Variants in SDHAF3 observed in about 807,000 individuals in gnomAD.
The protein encoded by SDHAF3 is succinate dehydrogenase assembly factor 3, mitochondrial.
A neutral mutation model predicts 11.5 loss-of-function variants in SDHAF3; 18 were observed. The observed-to-expected ratio is 1.56, with a 90% CI of 1.08 to 2.32. The LOEUF is 2.32. Among genes scored for constraint, SDHAF3 ranks in the 30% most tolerant of loss-of-function variants. The pLI, the probability that SDHAF3 is intolerant of heterozygous loss-of-function variation, is 0.00. For missense variants in SDHAF3, 200 were observed against 154.4 expected, an observed-to-expected ratio of 1.30 and a Z score of -1.57; for synonymous variants, 72 against 59.3, an observed-to-expected ratio of 1.21 and a Z score of -0.99.
chr7:97,125,547 C>G (rs978467778), intron 1 of SDHAF3, among the ~76,000 whole-genome samples: 7 of 152,032 alleles, frequency 4.6e-5, no homozygotes, highest in Non-Finnish European at 2.9e-5. Context: ...ATTCTTTTTT[C>G]TCTAATATTG....
At chr7:97,163,976 T>A (rs1043870690) in intron 1 of SDHAF3, among the ~76,000 whole-genome samples, 2 of 151,228 alleles carry the variant, frequency 1.3e-5, no homozygotes, top group Non-Finnish European at 2.9e-5. Context: ...TGAGACACAG[T>A]CTTGCTCTGT....
intron 1 of SDHAF3, among the ~76,000 whole-genome samples, chr7:97,178,181 A>AG (rs1562833298): frequency 6.6e-6 from 1 of 152,202 alleles, no homozygotes; most frequent in Non-Finnish European, 1.5e-5. Flanking sequence ...TTGGCTTCTT[A>AG]GCATAATCTT....
At chr7:97,150,942 G>A (rs945402334) in intron 1 of SDHAF3, among the ~76,000 whole-genome samples, 17 of 152,040 alleles carry the variant, frequency 1.1e-4, no homozygotes, top group African/African-American at 3.1e-4. Context: ...GCACCACTGC[G>A]CCTGGCTGTC....
At chr7:97,125,077 A>G (rs1267428461) in intron 1 of SDHAF3, among the ~76,000 whole-genome samples, 1 of 152,102 alleles carries the variant, frequency 6.6e-6, no homozygotes, top group Non-Finnish European at 1.5e-5. Flanking sequence ...CTGGTTTTCA[A>G]AGGGAATGCT....
rs556213020 is a variant in SDHAF3, at chr7:97,160,087, G to A, written c.175-20925G>A. ...CCCGGCTGCCCTATCTGGGAAGTGA[G>A]GAGCGCCTCTGCCCGGCCGTCCCAT... On this transcript the variant is annotated intron_variant, in intron 1 of 1. Transcript: ENST00000432641. 1.8e-4 allele frequency among the ~76,000 whole-genome samples: 27 copies of A among 151,472 alleles called. 1 individual carries two copies. The East Asian group carries it at 4.7e-3, about 26-fold the overall frequency.
At chr7:97,118,525 A>G (rs892024137) in intron 1 of SDHAF3, among the ~76,000 whole-genome samples, 3 of 149,854 alleles carry the variant, frequency 2.0e-5, no homozygotes, top group Non-Finnish European at 4.4e-5. Context: ...AAACAGACAC[A>G]TGCATTAGCA....
chr7:97,126,031 T>A (rs1341194062), intron 1 of SDHAF3, among the ~76,000 whole-genome samples: 1 of 152,250 alleles, frequency 6.6e-6, no homozygotes, highest in Non-Finnish European at 1.5e-5. Flanking sequence ...TGCTGCTTTC[T>A]GTTTGTTTTT....
intron 1 of SDHAF3, among the ~76,000 whole-genome samples, chr7:97,146,111 T>A (rs1467735639): frequency 1.7e-5 from 2 of 119,622 alleles, no homozygotes; most frequent in South Asian, 2.7e-4. Flanking sequence ...TTAAATAGGC[T>A]TTCCCCCCCC....
chr7:97,133,834 T>G (rs1210374497), intron 1 of SDHAF3, among the ~76,000 whole-genome samples: 1 of 152,222 alleles, frequency 6.6e-6, no homozygotes, highest in Admixed American at 6.5e-5. Flanking sequence ...TCTAAAACAC[T>G]AAAATATTTG....
At chr7:97,144,271 C>T (rs1390620148) in intron 1 of SDHAF3, among the ~76,000 whole-genome samples, 1 of 152,136 alleles carries the variant, frequency 6.6e-6, no homozygotes, top group Non-Finnish European at 1.5e-5. Flanking sequence ...AAGATTTTCT[C>T]CCACTCTTGT....
At position 97,157,471 on chromosome 7, in the gene SDHAF3, G is replaced by T. The variant is rs559546708; in HGVS notation, c.175-23541G>T. ...TCATTAAAAAGTCAGGAAACAACAG[G>T]TGCTGGAGAGGATGTGGAGAAATAG... On this transcript the variant is annotated intron_variant, in intron 1 of 1. Transcript: ENST00000432641. Among the ~76,000 whole-genome samples, 487 of 152,188 alleles carry T rather than the reference G, an allele frequency of 3.2e-3. 2 individuals carry two copies. Among genetic ancestry groups the T allele is most frequent in the Non-Finnish European group, 5.4e-3 (366 of 67,978 alleles).
intron 1 of SDHAF3, among the ~76,000 whole-genome samples, chr7:97,126,417 G>T (rs1263989021): frequency 6.6e-6 from 1 of 152,248 alleles, no homozygotes; most frequent in Non-Finnish European, 1.5e-5. Flanking sequence ...TGTGCCCACA[G>T]CTGCCCCTTC....
At chr7:97,143,017 A>G (rs940332260) in intron 1 of SDHAF3, among the ~76,000 whole-genome samples, 6 of 149,064 alleles carry the variant, frequency 4.0e-5, no homozygotes, top group Non-Finnish European at 5.9e-5. Context: ...CTCCCGCCTC[A>G]ACCTCCCGAG....
At chr7:97,157,954 G>A (rs1789329481) in intron 1 of SDHAF3, among the ~76,000 whole-genome samples, 1 of 125,342 alleles carries the variant, frequency 8.0e-6, no homozygotes, top group Non-Finnish European at 1.6e-5. Flanking sequence ...TCACACACTG[G>A]GGCCTGTTGT....
chr7:97,167,399 A>T (rs1789524904), intron 1 of SDHAF3, among the ~76,000 whole-genome samples: 1 of 152,146 alleles, frequency 6.6e-6, no homozygotes, highest in African/African-American at 2.4e-5. Flanking sequence ...CCAAACTGTG[A>T]GTCAAAGAAA....
chr7:97,141,554 G>A (rs149472741), intron 1 of SDHAF3, among the ~76,000 whole-genome samples: 3,802 of 152,184 alleles, frequency 0.025, 149 homozygotes, highest in African/African-American at 0.087. Flanking sequence ...AATATCGGGG[G>A]TGAATTTCCC....
At chr7:97,153,996 G>T (rs1789265643) in intron 1 of SDHAF3, among the ~76,000 whole-genome samples, 1 of 152,222 alleles carries the variant, frequency 6.6e-6, no homozygotes, top group African/African-American at 2.4e-5. Flanking sequence ...TATTTCACCT[G>T]AGTGCAGGCA....
chr7:97,137,849 T>C (rs1401139385), intron 1 of SDHAF3, among the ~76,000 whole-genome samples: 2 of 150,416 alleles, frequency 1.3e-5, no homozygotes, highest in East Asian at 3.9e-4. Context: ...CATTCCTTCA[T>C]ATGCCCTCAT....
intron 1 of SDHAF3, among the ~76,000 whole-genome samples, chr7:97,118,345 T>G (rs748591724): frequency 6.6e-6 from 1 of 152,234 alleles, no homozygotes; most frequent in Non-Finnish European, 1.5e-5. Context: ...GTTTAAATAA[T>G]TTTCTCACTT....
Sources: gnomAD v4.1 joint callset for allele counts (sites outside exome capture counted in the v4.1 genomes callset) on GRCh38, gnomAD v4.1.1 for gene constraint, MANE v1.5 for transcripts, NCBI Gene and HGNC (gene_info 2026-07-23, HGNC 2026-07-21) for gene names.